ST3GAL1: variants seen among roughly 807,000 people sequenced by gnomAD.
The protein encoded by ST3GAL1 is CMP-N-acetylneuraminate-beta-galactosamide-alpha-2,3-sialyltransferase 1.
ST3GAL1 carries 16 observed loss-of-function variants against 34.1 expected under a neutral mutation model. The observed-to-expected ratio is 0.47, with a 90% CI of 0.32 to 0.71. ST3GAL1 has a LOEUF of 0.71. Among genes scored for constraint, ST3GAL1 ranks in the 30% least tolerant of loss-of-function variants. ST3GAL1 has a pLI of 0.04. For missense variants in ST3GAL1, 353 were observed against 447.4 expected (o/e 0.79, Z 1.90); for synonymous variants, 191 against 184.7 (o/e 1.03, Z -0.28).
chr8:133,552,390 C>T (rs1160776814), intron 1 of ST3GAL1, among the ~76,000 whole-genome samples: 2 of 152,172 alleles, frequency 1.3e-5, no homozygotes, highest in African/African-American at 4.8e-5. Context: ...GGTGAGAGGA[C>T]CTAGAAACAT....
At chr8:133,510,737 A>C (rs190838773) in intron 2 of ST3GAL1, among the ~76,000 whole-genome samples, 1 of 152,020 alleles carries the variant, frequency 6.6e-6, no homozygotes, top group South Asian at 2.1e-4. Flanking sequence ...GGATTTACAA[A>C]CTCCATGCAC....
chr8:133,489,790 T>C (rs1816732327), intron 3 of ST3GAL1: 1 of 152,272 alleles, frequency 6.6e-6, no homozygotes, highest in Admixed American at 6.5e-5. Context: ...TCAGCGCCTG[T>C]GGCTTGACCA....
intron 2 of ST3GAL1, among the ~76,000 whole-genome samples, chr8:133,506,006 G>T (rs1392438746): frequency 6.6e-6 from 1 of 152,138 alleles, no homozygotes; most frequent in Non-Finnish European, 1.5e-5. Context: ...AATTAAAATA[G>T]AATAAAATTT....
At chr8:133,518,516 T>TC (rs1310254340) in intron 2 of ST3GAL1, among the ~76,000 whole-genome samples, 1 of 152,220 alleles carries the variant, frequency 6.6e-6, no homozygotes, top group Non-Finnish European at 1.5e-5. Flanking sequence ...GAGCAACCCT[T>TC]CATTTGATGC....
At chr8:133,463,320 G>A (rs1815583002) in intron 8 of ST3GAL1, 94 bp downstream of exon 8, 2 of 1,425,552 alleles carry the variant, frequency 1.4e-6, no homozygotes, top group Non-Finnish European at 2.0e-6. Context: ...CTGGGGATCT[G>A]GGGGCTGTCT....
At chr8:133,569,691 A>T (rs1384364396) in intron 1 of ST3GAL1, among the ~76,000 whole-genome samples, 1 of 152,098 alleles carries the variant, frequency 6.6e-6, no homozygotes, top group East Asian at 1.9e-4. Context: ...TGTTTGGGGC[A>T]GGAAGGGGAG....
At chr8:133,498,505 GTTTTT>G (rs993427735) in intron 3 of ST3GAL1, among the ~76,000 whole-genome samples, 2 of 149,718 alleles carry the variant, frequency 1.3e-5, no homozygotes, top group African/African-American at 4.9e-5. Flanking sequence ...TGTTTGGAGG[GTTTTT>G]TTTTTCTCTA....
chr8:133,526,830 G>A (rs1437263229), intron 2 of ST3GAL1, among the ~76,000 whole-genome samples: 2 of 152,108 alleles, frequency 1.3e-5, no homozygotes, highest in Admixed American at 6.6e-5. Flanking sequence ...GGGGCAGAGT[G>A]GGCGAGGGAG....
At chr8:133,480,320 T>C (rs1223334059) in intron 3 of ST3GAL1, among the ~76,000 whole-genome samples, 2 of 152,080 alleles carry the variant, frequency 1.3e-5, no homozygotes, top group African/African-American at 2.4e-5. Flanking sequence ...CCTCTGGCAA[T>C]AGGGAGTTGA....
At chr8:133,557,337 T>C (rs1277865783) in intron 1 of ST3GAL1, among the ~76,000 whole-genome samples, 1 of 152,180 alleles carries the variant, frequency 6.6e-6, no homozygotes, top group African/African-American at 2.4e-5. Flanking sequence ...GGATATGTGG[T>C]ACCCATGGTC....
intron 2 of ST3GAL1, among the ~76,000 whole-genome samples, chr8:133,515,239 C>T (rs1817609550): frequency 1.3e-5 from 2 of 152,236 alleles, no homozygotes; most frequent in African/African-American, 4.8e-5. Context: ...CACCCTGCTC[C>T]TGGCAAGACT....
At chr8:133,551,536 G>GGAA (rs1818843234) in intron 1 of ST3GAL1, among the ~76,000 whole-genome samples, 3 of 116,064 alleles carry the variant, frequency 2.6e-5, no homozygotes, top group African/African-American at 1.1e-4. Flanking sequence ...GAGAAAGAAA[G>GGAA]AGAAGGAAAG....
intron 2 of ST3GAL1, among the ~76,000 whole-genome samples, chr8:133,523,846 G>A (rs1487201023): frequency 2.6e-5 from 4 of 152,180 alleles, no homozygotes; most frequent in South Asian, 4.1e-4. Context: ...GTTGTGACAC[G>A]CTTTAGCCAA....
rs775352748 is a variant in ST3GAL1 at position 133,469,223 on chromosome 8, AT to A, written c.307-3134del. Among the ~76,000 whole-genome samples the A allele has an allele frequency of 2.6e-5, 4 of 151,894 alleles. No homozygotes were observed. Among genetic ancestry groups the A allele is most frequent in the African/African-American group, 7.3e-5 (3 of 41,372 alleles). The stretch of plus-strand genomic sequence containing the variant: ...AATAAATTGATTGATTGATTGATTG[AT>A]TTGATTTGATTTGATATGGAGTCTC... On this transcript the variant is annotated intron_variant, in intron 5 of 9. Coordinates refer to ENST00000522652, the MANE Select transcript of ST3GAL1 (RefSeq NM_173344.3). The surrounding 1 kb of genome is among the most constrained non-coding windows in gnomAD (Gnocchi z 4.3).
chr8:133,513,032 G>C (rs1227771765), intron 2 of ST3GAL1, among the ~76,000 whole-genome samples: 2 of 152,250 alleles, frequency 1.3e-5, no homozygotes, highest in East Asian at 1.9e-4. Context: ...GGTCTCACTG[G>C]GACTGACGAA....
intron 1 of ST3GAL1, among the ~76,000 whole-genome samples, chr8:133,546,682 G>C (rs989579013): frequency 6.6e-6 from 1 of 152,114 alleles, no homozygotes; most frequent in African/African-American, 2.4e-5. Context: ...ATCAGGCTGA[G>C]GCCAGATAGG....
At chr8:133,464,751 C>A in intron 7 of ST3GAL1, 27 bp downstream of exon 7, 1 of 1,597,502 alleles carries the variant, frequency 6.3e-7, no homozygotes, top group Non-Finnish European at 8.5e-7. Flanking sequence ...GGCAGAGCAG[C>A]GAGGCGGGGC....
At chr8:133,528,989 T>C (rs1009732229) in intron 2 of ST3GAL1, among the ~76,000 whole-genome samples, 1 of 152,238 alleles carries the variant, frequency 6.6e-6, no homozygotes, top group Non-Finnish European at 1.5e-5. Context: ...GGTAGAGGAA[T>C]CAGCCTGTGC....
chr8:133,511,839 G>A (rs1160038174), intron 2 of ST3GAL1, among the ~76,000 whole-genome samples: 1 of 152,130 alleles, frequency 6.6e-6, no homozygotes, highest in Non-Finnish European at 1.5e-5. Flanking sequence ...AGATCATGAG[G>A]TCAAGAGATT....
Sources: gnomAD v4.1 joint callset for allele counts (sites outside exome capture counted in the v4.1 genomes callset) on GRCh38, gnomAD v4.1.1 for gene constraint, Gnocchi (gnomAD v3.1) non-coding constraint, MANE v1.5 for transcripts, NCBI Gene and HGNC (gene_info 2026-07-23, HGNC 2026-07-21) for gene names.